DAPK1: variants seen among roughly 807,000 people sequenced by gnomAD.
DAPK1 encodes death associated protein kinase 1.
Under a neutral mutation model 144.9 loss-of-function variants are expected in DAPK1, and 56 were observed. That is an observed-to-expected ratio of 0.39 (90% confidence interval 0.31 to 0.48). The LOEUF is 0.48. Among genes scored for constraint, DAPK1 ranks in the 20% least tolerant of loss-of-function variants. The probability of loss-of-function intolerance (pLI) is 0.95; values close to 1 mark genes in which losing one functional copy is unlikely to be tolerated. For missense variants in DAPK1, 1,454 were observed against 1,875.4 expected (o/e 0.78, Z 4.15); for synonymous variants, 690 against 749.0 (o/e 0.92, Z 1.29).
At chr9:87,522,590 T>C (rs1563973170) in intron 2 of DAPK1, among the ~76,000 whole-genome samples, 1 of 152,358 alleles carries the variant, frequency 6.6e-6, no homozygotes, top group Non-Finnish European at 1.5e-5. Flanking sequence ...TTTTCTATTA[T>C]AAGCAATTCT....
intron 2 of DAPK1, among the ~76,000 whole-genome samples, chr9:87,597,970 C>A (rs866082564): frequency 6.6e-6 from 1 of 152,180 alleles, no homozygotes; most frequent in Admixed American, 6.5e-5. Context: ...ACAGCAACTG[C>A]GTCCCCTTTT....
chr9:87,687,158 A>G (rs1458093388), intron 21 of DAPK1, among the ~76,000 whole-genome samples: 1 of 152,132 alleles, frequency 6.6e-6, no homozygotes, highest in Non-Finnish European at 1.5e-5. Flanking sequence ...TCTTCTAGCT[A>G]TTTTGAAAAA....
intron 21 of DAPK1, among the ~76,000 whole-genome samples, chr9:87,696,794 G>C (rs534138601): frequency 6.6e-6 from 1 of 152,178 alleles, no homozygotes; most frequent in South Asian, 2.1e-4. Flanking sequence ...CTCCCACCAG[G>C]CCTCACCTCC....
At chr9:87,575,917 A>G (rs1827539456) in intron 2 of DAPK1, among the ~76,000 whole-genome samples, 1 of 152,258 alleles carries the variant, frequency 6.6e-6, no homozygotes, top group Non-Finnish European at 1.5e-5. Flanking sequence ...CAGAAGGTAC[A>G]GATAGAATTT....
intron 18 of DAPK1, among the ~76,000 whole-genome samples, chr9:87,661,161 A>G (rs1250340149): frequency 3.3e-5 from 5 of 152,312 alleles, no homozygotes; most frequent in African/African-American, 1.2e-4. Context: ...TTAATGGCCA[A>G]GTAGTATTCC....
intron 18 of DAPK1, among the ~76,000 whole-genome samples, chr9:87,660,328 G>A (rs565236524): frequency 1.3e-5 from 2 of 152,068 alleles, no homozygotes; most frequent in African/African-American, 2.4e-5. Flanking sequence ...ATTACTGGGG[G>A]CGTCGCCCTC....
rs1011955340 is a variant in DAPK1 at position 87,527,061 on chromosome 9, C to T, written c.62+27922C>T. Among the ~76,000 whole-genome samples the T allele has an allele frequency of 5.3e-5, 8 of 152,280 alleles. No individual in the cohort carries two copies. In the South Asian group the frequency reaches 1.7e-3, roughly 32 times the overall value. On this transcript the variant is annotated intron_variant, in intron 2 of 25. Transcript: ENST00000408954. ...AAGAGGACACCTGAAGGTGAAGGAC[C>T]CATGACATTGTTAATTGTGATTATT...
At chr9:87,520,822 A>G (rs1482079306) in intron 2 of DAPK1, among the ~76,000 whole-genome samples, 1 of 152,242 alleles carries the variant, frequency 6.6e-6, no homozygotes, top group East Asian at 1.9e-4. Flanking sequence ...ATAAATATAC[A>G]TGCACATATA....
chr9:87,706,826 A>G lies in DAPK1; in HGVS notation c.3755A>G (p.Tyr1252Cys). ...LREHHEPVMI[Y>C]QPRDFFRAQT... is the part of the protein sequence containing the mutation. ...GAGCACCATGAGCCCGTCATGATCT[A>G]CCAGCCACGGGACTTCTTCCGGGCA... Residue 1252 changes from tyrosine (Y) to cysteine (C), a missense_variant, in exon 26 of 26, where the codon TAC becomes TGC. Physicochemically the swap from Tyr to Cys is radical, Grantham distance 194. Around this residue, in one of 2 missense-constraint regions of DAPK1, gnomAD observed 1,025 missense variants for 1,237.9 expected, o/e 0.83. Transcript: ENST00000408954. The surrounding 1 kb of genome is among the most constrained non-coding windows in gnomAD (Gnocchi z 9.0). 1.2e-6 allele frequency: 2 copies of G among 1,613,664 alleles called. No individual in the cohort carries two copies. The highest frequency in any genetic ancestry group is 1.7e-6 in the Non-Finnish European group (2 of 1,179,980).
rs577166267 is a variant in DAPK1 at position 87,534,667 on chromosome 9, C to T, written c.62+35528C>T. Reference sequence around the variant, plus strand: ...TTTCTTTTCTTTTTTTTTTTTGATACGGAGTCTCGCTCTGTCACCCAGACT... The same window carrying T: ...TTTCTTTTCTTTTTTTTTTTTGATATGGAGTCTCGCTCTGTCACCCAGACT... On this transcript the variant is annotated intron_variant, in intron 2 of 25. Coordinates refer to ENST00000408954, the MANE Select transcript of DAPK1 (RefSeq NM_004938.4). Among the ~76,000 whole-genome samples, 30 of 140,884 alleles carry T rather than the reference C, an allele frequency of 2.1e-4. No homozygotes were observed. The East Asian group carries it at 2.8e-3, about 13-fold the overall frequency. 92.4% of individuals were successfully genotyped at this position (140,884 alleles called of 152,430 possible).
chr9:87,519,109 T>C (rs1825195123), intron 2 of DAPK1, among the ~76,000 whole-genome samples: 1 of 152,120 alleles, frequency 6.6e-6, no homozygotes. Flanking sequence ...GTTTAGGCCT[T>C]TGTCCCTGTC....
chr9:87,657,654 A>G, intron 17 of DAPK1: 1 of 272,424 alleles, frequency 3.7e-6, no homozygotes. Flanking sequence ...ATTTTCACTA[A>G]TTAGGATGTC....
chr9:87,615,086 C>A lies in DAPK1; in HGVS notation c.284+9911C>A, dbSNP rs116603734. 7.7e-3 allele frequency among the ~76,000 whole-genome samples: 1,171 copies of A among 152,292 alleles called. 17 individuals are homozygous for A. The highest frequency in any genetic ancestry group is 0.025 in the African/African-American group (1,053 of 41,564). On this transcript the variant is annotated intron_variant, in intron 3 of 25. Coordinates refer to ENST00000408954, the MANE Select transcript of DAPK1 (RefSeq NM_004938.4). ...TGCAAGCAGGTCAGTGACAGTCTTC[C>A]CAAGACGTCCTTGAGCCCCTCAGAG... is the stretch of plus-strand genomic sequence containing the variant.
At chr9:87,536,012 A>T (rs1825849827) in intron 2 of DAPK1, among the ~76,000 whole-genome samples, 1 of 152,336 alleles carries the variant, frequency 6.6e-6, no homozygotes, top group South Asian at 2.1e-4. Context: ...AGGGTCATTT[A>T]TACCTGTCCC....
rs548226528 is a variant in DAPK1 at position 87,699,897 on chromosome 9, G to A, written c.2751-220G>A. ...TGCTTCATGCAAACCTGAAGGTCCC[G>A]CTCCTATGACTCAGACTATATGCCA... On this transcript the variant is annotated intron_variant, in intron 23 of 25. Transcript: ENST00000408954. Among the ~76,000 whole-genome samples, 76 of 152,204 alleles carry A rather than the reference G, an allele frequency of 5.0e-4. No individual in the cohort carries two copies. The South Asian group carries it at 6.0e-3, about 12-fold the overall frequency.
chr9:87,574,766 C>CA lies in DAPK1; in HGVS notation c.63-30182dup, dbSNP rs1304268105. 2.6e-5 allele frequency among the ~76,000 whole-genome samples: 4 copies of CA among 151,124 alleles called. No individual in the cohort carries two copies. The East Asian group carries it at 7.8e-4, about 30-fold the overall frequency. ...AAACCCCGTCTCTACTAAAAATACA[C>CA]AAAAAATTAGCCGGGCTTGGTGCTG... On this transcript the variant is annotated intron_variant, in intron 2 of 25. Coordinates refer to ENST00000408954, the MANE Select transcript of DAPK1 (RefSeq NM_004938.4).
At chr9:87,600,906 C>T (rs559830924) in intron 2 of DAPK1, among the ~76,000 whole-genome samples, 2 of 152,332 alleles carry the variant, frequency 1.3e-5, no homozygotes, top group Admixed American at 6.5e-5. Context: ...TATGTGCATT[C>T]GCTTTGCTCC....
intron 2 of DAPK1, among the ~76,000 whole-genome samples, chr9:87,518,490 C>T (rs1825168486): frequency 6.6e-6 from 1 of 151,750 alleles, no homozygotes; most frequent in Admixed American, 6.6e-5. Context: ...CATCGTCAAT[C>T]TCATTGATGT....
chr9:87,610,017 C>G (rs556236419), intron 3 of DAPK1, among the ~76,000 whole-genome samples: 3 of 152,316 alleles, frequency 2.0e-5, no homozygotes, highest in African/African-American at 7.2e-5. Flanking sequence ...ACCACTGCCA[C>G]TGACCCAAAA....
Sources: gnomAD v4.1 joint callset for allele counts (sites outside exome capture counted in the v4.1 genomes callset) on GRCh38, gnomAD v4.1.1 for gene constraint, gnomAD v4.1.1 regional missense constraint, Gnocchi (gnomAD v3.1) non-coding constraint, MANE v1.5 for transcripts, NCBI Gene and HGNC (gene_info 2026-07-23, HGNC 2026-07-21) for gene names.